Variants in ADAMTS17 observed in about 807,000 individuals in gnomAD.
The protein encoded by ADAMTS17 is ADAM metallopeptidase with thrombospondin type 1 motif 17.
ADAMTS17 carries 113 observed loss-of-function variants against 141.5 expected under a neutral mutation model. That is an observed-to-expected ratio of 0.80 (90% confidence interval 0.69 to 0.93). The LOEUF is 0.93. Ranked by LOEUF, ADAMTS17 falls within the 40% of genes least tolerant of loss-of-function variation. The pLI is 0.00. For synonymous variants in ADAMTS17, 768 were observed against 630.6 expected (o/e 1.22, Z -3.27); for missense variants, 1,659 against 1,517.9 (o/e 1.09, Z -1.54).
intron 20 of ADAMTS17, chr15:99,978,721 G>C (rs1487446032): frequency 3.9e-5 from 6 of 152,218 alleles, no homozygotes; most frequent in Non-Finnish European, 8.8e-5. Flanking sequence ...TGGTGTTGGG[G>C]GCACCTTGGA....
chr15:100,034,345 C>T (rs896687879), intron 18 of ADAMTS17, among the ~76,000 whole-genome samples: 6 of 152,246 alleles, frequency 3.9e-5, no homozygotes, highest in African/African-American at 4.8e-5. Context: ...AATCCCCTTT[C>T]CCTCTAATCT....
chr15:100,245,867 G>A (rs2042971053), intron 7 of ADAMTS17, among the ~76,000 whole-genome samples: 1 of 152,194 alleles, frequency 6.6e-6, no homozygotes, highest in Admixed American at 6.5e-5. Flanking sequence ...TGCACCCCAG[G>A]CATGCATGAG....
intron 15 of ADAMTS17, among the ~76,000 whole-genome samples, chr15:100,070,550 C>CCACGG (rs2033893914): frequency 1.3e-5 from 2 of 150,092 alleles, no homozygotes; most frequent in South Asian, 4.2e-4. Flanking sequence ...GTCTCTCAGA[C>CCACGG]CACGGTGCAA....
chr15:100,262,997 C>A (rs185203468), intron 4 of ADAMTS17, among the ~76,000 whole-genome samples: 5 of 152,072 alleles, frequency 3.3e-5, no homozygotes, highest in East Asian at 3.9e-4. Flanking sequence ...ATCATACACA[C>A]GTGTGCAAAC....
At chr15:100,155,362 T>C (rs2039385648) in intron 8 of ADAMTS17, 42 bp from the exon 9 acceptor site, 1 of 1,599,406 alleles carries the variant, frequency 6.3e-7, no homozygotes, top group East Asian at 2.3e-5. Context: ...TGCTACAAGC[T>C]TCTCATTTCC....
At chr15:100,101,264 T>A (rs886548947) in intron 14 of ADAMTS17, among the ~76,000 whole-genome samples, 1 of 122,602 alleles carries the variant, frequency 8.2e-6, no homozygotes, top group African/African-American at 4.4e-5. Flanking sequence ...GGTCTCTCTA[T>A]GGCACCATTT....
chr15:100,044,618 TTTC>T (rs1376556421), intron 18 of ADAMTS17, among the ~76,000 whole-genome samples: 2 of 152,212 alleles, frequency 1.3e-5, no homozygotes, highest in Non-Finnish European at 2.9e-5. Flanking sequence ...TTAACATTCT[TTTC>T]TTCTAATTCC....
At chr15:100,227,546 T>C (rs1439399389) in intron 7 of ADAMTS17, among the ~76,000 whole-genome samples, 2 of 152,236 alleles carry the variant, frequency 1.3e-5, no homozygotes, top group Non-Finnish European at 2.9e-5. Flanking sequence ...CAGGCGGCCC[T>C]GGATTGATCA....
intron 15 of ADAMTS17, among the ~76,000 whole-genome samples, chr15:100,071,265 A>C (rs11632594): frequency 0.89 from 132,398 of 149,184 alleles, 61,578 homozygotes; most frequent in East Asian, 1. Context: ...TTATCAACCA[A>C]AAAAAGTCCA....
At chr15:99,984,986 G>A (rs895218045) in intron 20 of ADAMTS17, among the ~76,000 whole-genome samples, 33 of 152,334 alleles carry the variant, frequency 2.2e-4, no homozygotes, top group African/African-American at 6.3e-4. Flanking sequence ...TGGACCATTC[G>A]GCATGGCCCT....
intron 10 of ADAMTS17, among the ~76,000 whole-genome samples, chr15:100,146,501 T>C (rs186453350): frequency 6.6e-6 from 1 of 152,352 alleles, no homozygotes; most frequent in Middle Eastern, 3.4e-3. Flanking sequence ...GGAAGATGTA[T>C]GTCGTCTCAG....
At chr15:100,279,103 C>A (rs2044198889) in intron 4 of ADAMTS17, among the ~76,000 whole-genome samples, 1 of 152,158 alleles carries the variant, frequency 6.6e-6, no homozygotes, top group Admixed American at 6.5e-5. Context: ...TGTGTCCTTG[C>A]CCAGCCACAG....
intron 14 of ADAMTS17, among the ~76,000 whole-genome samples, chr15:100,103,956 C>G (rs780296667): frequency 6.6e-6 from 1 of 152,202 alleles, no homozygotes; most frequent in Non-Finnish European, 1.5e-5. Flanking sequence ...ACTTCCTTCA[C>G]TGAAGAAGGT....
At chr15:100,313,194 C>G (rs2045458501) in intron 3 of ADAMTS17, among the ~76,000 whole-genome samples, 1 of 152,072 alleles carries the variant, frequency 6.6e-6, no homozygotes, top group Non-Finnish European at 1.5e-5. Flanking sequence ...ATACTAATAT[C>G]TAAACTGAAA....
intron 7 of ADAMTS17, 58 bp from the exon 8 acceptor site, chr15:100,199,481 G>C: frequency 2.8e-6 from 4 of 1,434,642 alleles, no homozygotes; most frequent in Non-Finnish European, 3.9e-6. Flanking sequence ...TGGTCTCACC[G>C]GGCAAGTCCG....
intron 7 of ADAMTS17, among the ~76,000 whole-genome samples, chr15:100,212,507 T>A (rs2041840726): frequency 6.6e-6 from 1 of 152,132 alleles, no homozygotes; most frequent in African/African-American, 2.4e-5. Context: ...GCTTTATAGC[T>A]TTCATCTAAT....
chr15:100,312,045 C>T (rs917306791), intron 3 of ADAMTS17, among the ~76,000 whole-genome samples: 32 of 152,216 alleles, frequency 2.1e-4, no homozygotes, highest in Non-Finnish European at 2.2e-4. Flanking sequence ...CCCAGAAGGC[C>T]ATGGGCCAGA....
intron 4 of ADAMTS17, among the ~76,000 whole-genome samples, chr15:100,267,071 C>T (rs1371907568): frequency 6.6e-6 from 1 of 152,162 alleles, no homozygotes; most frequent in Non-Finnish European, 1.5e-5. Context: ...GTGTTAATTA[C>T]GTTCACGTTA....
intron 15 of ADAMTS17, among the ~76,000 whole-genome samples, chr15:100,069,635 G>C (rs567344374): frequency 6.6e-5 from 10 of 152,184 alleles, no homozygotes; most frequent in Non-Finnish European, 1.5e-4. Flanking sequence ...TTCATATCCA[G>C]CCAAACTAAG....
Sources: allele counts gnomAD v4.1 joint callset (sites outside exome capture counted in the v4.1 genomes callset), GRCh38; gene constraint gnomAD v4.1.1; transcripts MANE v1.5; gene names NCBI Gene and HGNC (gene_info 2026-07-23, HGNC 2026-07-21).